The following TANC2 variants were observed in gnomAD, a reference collection of about 807,000 sequenced individuals.
The protein encoded by TANC2 is protein TANC2.
Under a neutral mutation model 210.5 loss-of-function variants are expected in TANC2, and 26 were observed. That is an observed-to-expected ratio of 0.12 (90% CI 0.09 to 0.17). The LOEUF is 0.17. Among genes scored for constraint, TANC2 ranks in the 10% least tolerant of loss-of-function variants. TANC2 has a pLI of 1.00. For synonymous variants in TANC2, 931 were observed against 967.1 expected (o/e 0.96, Z 0.69); for missense variants, 2,129 against 2,608.9 (o/e 0.82, Z 4.01).
chr17:63,284,885 T>G (rs1160209806), intron 9 of TANC2, among the ~76,000 whole-genome samples: 1 of 152,134 alleles, frequency 6.6e-6, no homozygotes, highest in Non-Finnish European at 1.5e-5. Context: ...CCTTGTAGTT[T>G]TTGCTCTTTG....
At chr17:63,304,666 C>G (rs1240795158) in intron 9 of TANC2, among the ~76,000 whole-genome samples, 1 of 152,108 alleles carries the variant, frequency 6.6e-6, no homozygotes, top group Non-Finnish European at 1.5e-5. Context: ...TCCCTGGATT[C>G]CTCAGAACTA....
intron 2 of TANC2, among the ~76,000 whole-genome samples, chr17:63,035,438 C>A (rs1464750655): frequency 2.6e-5 from 4 of 152,176 alleles, no homozygotes; most frequent in African/African-American, 7.2e-5. Context: ...CCAGCAAAAT[C>A]TCTGAGGTAT....
chr17:63,406,415 C>G, intron 21 of TANC2, 138 bp downstream of exon 21: 2 of 1,190,150 alleles, frequency 1.7e-6, no homozygotes, highest in Non-Finnish European at 2.4e-6. Context: ...GCTATCTCCT[C>G]CCCTCTTGTA....
chr17:63,137,338 A>G (rs7209469), intron 4 of TANC2, among the ~76,000 whole-genome samples: 91,238 of 152,088 alleles, frequency 0.6, 29,843 homozygotes, highest in African/African-American at 0.86. Flanking sequence ...GGCATAAAGA[A>G]GATGTTGATT....
chr17:63,298,183 T>C (rs2044597123), intron 9 of TANC2, among the ~76,000 whole-genome samples: 1 of 152,136 alleles, frequency 6.6e-6, no homozygotes, highest in African/African-American at 2.4e-5. Context: ...TGCTATATGA[T>C]CCAGTAATTT....
intron 14 of TANC2, among the ~76,000 whole-genome samples, chr17:63,379,073 G>A (rs187118010): frequency 4.7e-4 from 71 of 152,310 alleles, no homozygotes; most frequent in African/African-American, 1.6e-3. Context: ...ATAGGACCAA[G>A]AATGAGATTC....
At chr17:63,149,015 A>T (rs572041507) in intron 4 of TANC2, 1 of 152,154 alleles carries the variant, frequency 6.6e-6, no homozygotes, top group African/African-American at 2.4e-5. Flanking sequence ...CAAGCACAGT[A>T]CCCCATGGAT....
intron 12 of TANC2, 41 bp from the exon 13 acceptor site, chr17:63,351,209 C>T (rs370552290): frequency 6.6e-7 from 1 of 1,516,912 alleles, no homozygotes; most frequent in Non-Finnish European, 8.9e-7. Context: ...CTCATTTATC[C>T]ACTTGGTAAT....
chr17:63,420,295 C>T lies in TANC2; in HGVS notation c.4565C>T (p.Pro1522Leu), dbSNP rs534775694. The T allele has an allele frequency of 4.5e-5, 72 of 1,613,780 alleles. No individual in the cohort carries two copies. Among genetic ancestry groups the T allele is most frequent in the East Asian group, 4.5e-5 (2 of 44,848 alleles). ...GAGGCCCGGCCCAGCCAGGGGCTCC[C>T]GGTCATCCAGAGCCCACCCTCCTCT... is the stretch of plus-strand genomic sequence containing the variant. Residue 1522 changes from proline (P) to leucine (L), a missense_variant, in exon 28 of 28, where the codon CCG becomes CTG. Physicochemically the swap from Pro to Leu is moderately conservative, Grantham distance 98. Around this residue, in one of 5 missense-constraint regions of TANC2, gnomAD observed 584 missense variants for 627.3 expected, o/e 0.93. Transcript: ENST00000689528. This position sits in a 1 kb window ranked among gnomAD's most constrained non-coding sequence, Gnocchi z 4.2.
chr17:63,376,811 ACT>A lies in TANC2; in HGVS notation c.2583-2904_2583-2903del, dbSNP rs1278216500. Among the ~76,000 whole-genome samples, 3 of 131,352 alleles carry A rather than the reference ACT, an allele frequency of 2.3e-5. No individual in the cohort carries two copies. The South Asian group carries it at 7.1e-4, about 31-fold the overall frequency. 86.2% of individuals were successfully genotyped at this position (131,352 alleles called of 152,430 possible). On this transcript the variant is annotated intron_variant, in intron 14 of 27. Coordinates refer to ENST00000689528, the Ensembl canonical transcript of TANC2. ...CATAAAATCTGGAAATTGCCACTGT[ACT>A]CTTTTTTTTTTTTTTTTTTTTTTAG...
chr17:63,333,818 C>T (rs1463395646), intron 11 of TANC2, among the ~76,000 whole-genome samples: 1 of 152,160 alleles, frequency 6.6e-6, no homozygotes, highest in Non-Finnish European at 1.5e-5. Flanking sequence ...AGTCAGCAGC[C>T]ATCAACATCG....
chr17:63,147,971 G>T (rs1031948484), intron 4 of TANC2, among the ~76,000 whole-genome samples: 1 of 152,158 alleles, frequency 6.6e-6, no homozygotes, highest in African/African-American at 2.4e-5. Context: ...AACAGCTGAT[G>T]TTTTTAGAAC....
intron 2 of TANC2, among the ~76,000 whole-genome samples, chr17:63,046,793 T>A (rs1054781613): frequency 1.3e-5 from 2 of 152,200 alleles, no homozygotes; most frequent in African/African-American, 4.8e-5. Context: ...TTAGGCATAA[T>A]GGGATGAATA....
chr17:63,332,198 T>C, intron 11 of TANC2: 1 of 378,432 alleles, frequency 2.6e-6, no homozygotes. Context: ...ACATATTTCT[T>C]CTTTGCTCTG....
At chr17:63,052,634 T>G (rs991034245) in intron 2 of TANC2, among the ~76,000 whole-genome samples, 4 of 152,318 alleles carry the variant, frequency 2.6e-5, no homozygotes, top group East Asian at 1.9e-4. Context: ...TTAACTTATA[T>G]CCTATGGTTT....
chr17:63,276,302 A>C (rs1011164849), intron 9 of TANC2, among the ~76,000 whole-genome samples: 1 of 152,108 alleles, frequency 6.6e-6, no homozygotes, highest in African/African-American at 2.4e-5. Flanking sequence ...AATGTTGTAT[A>C]TCACCTTAAA....
At chr17:63,392,636 C>A (rs1361489842) in intron 17 of TANC2, among the ~76,000 whole-genome samples, 2 of 152,116 alleles carry the variant, frequency 1.3e-5, no homozygotes, top group African/African-American at 4.8e-5. Flanking sequence ...TTTTGTAGAG[C>A]TTTTATTTTG....
intron 12 of TANC2, among the ~76,000 whole-genome samples, chr17:63,345,237 G>A (rs2046361751): frequency 6.6e-6 from 1 of 152,212 alleles, no homozygotes; most frequent in Non-Finnish European, 1.5e-5. Context: ...ATATTGCAGA[G>A]TGAAATTAAA....
intron 6 of TANC2, among the ~76,000 whole-genome samples, chr17:63,199,024 TTA>T (rs780967215): frequency 3.3e-5 from 5 of 152,166 alleles, no homozygotes; most frequent in Non-Finnish European, 7.4e-5. Flanking sequence ...TGAGTCAAAT[TTA>T]TCTTTTGTAA....
Sources: allele counts gnomAD v4.1 joint callset (sites outside exome capture counted in the v4.1 genomes callset), GRCh38; gene constraint gnomAD v4.1.1; regional missense constraint gnomAD v4.1.1; non-coding constraint Gnocchi (gnomAD v3.1); transcripts MANE v1.5; gene names NCBI Gene and HGNC (gene_info 2026-07-23, HGNC 2026-07-21).